The following LTBP1 variants were observed in gnomAD, a reference collection of about 807,000 sequenced individuals.
LTBP1 encodes latent transforming growth factor beta binding protein 1.
Under a neutral mutation model 207.6 loss-of-function variants are expected in LTBP1, and 129 were observed. The ratio of observed to expected loss-of-function variants is 0.62; its 90% CI spans 0.54 to 0.72. LTBP1 has a LOEUF of 0.72. Among genes scored for constraint, LTBP1 ranks in the 30% least tolerant of loss-of-function variants. LTBP1 has a pLI of 0.00. For synonymous variants in LTBP1, 963 were observed against 833.7 expected, an observed-to-expected ratio of 1.16 and a Z score of -2.67; for missense variants, 2,281 against 2,217.2, an observed-to-expected ratio of 1.03 and a Z score of -0.58.
chr2:33,163,083 G>C (rs1238706429), intron 5 of LTBP1, among the ~76,000 whole-genome samples: 2 of 152,220 alleles, frequency 1.3e-5, no homozygotes, highest in East Asian at 3.8e-4. Context: ...CTGGGCTCGA[G>C]CAATCCTCCC....
In LTBP1 at chr2:33,398,694, G is replaced by T; in HGVS notation, c.*149G>T. 1 of 696,452 alleles carries T rather than the reference G, an allele frequency of 1.4e-6. No homozygotes were observed. Among genetic ancestry groups the T allele is most frequent in the South Asian group, 2.4e-5 (1 of 41,738 alleles). 43.1% of individuals were successfully genotyped at this position (696,452 alleles called of 1,614,324 possible). A position where few individuals can be genotyped will look rare whatever the true frequency, so the allele number is the denominator to read the frequency against. On this transcript the variant is annotated 3_prime_UTR_variant, in exon 34 of 34. Coordinates refer to ENST00000404816, the MANE Select transcript of LTBP1 (RefSeq NM_206943.4). Reference sequence around the variant, plus strand: ...TGCAAGTCCTCTGAAGACAATGAGAGGATTTAGGATGAGCCCGATAGGTGT... The same window carrying T: ...TGCAAGTCCTCTGAAGACAATGAGATGATTTAGGATGAGCCCGATAGGTGT...
At chr2:33,159,157 A>G (rs893229512) in intron 5 of LTBP1, among the ~76,000 whole-genome samples, 8 of 152,160 alleles carry the variant, frequency 5.3e-5, no homozygotes, top group African/African-American at 1.4e-4. Flanking sequence ...CTGGGTGGTG[A>G]CAGCTACATT....
intron 11 of LTBP1, among the ~76,000 whole-genome samples, chr2:33,256,164 C>T (rs1451827963): frequency 6.6e-6 from 1 of 151,882 alleles, no homozygotes; most frequent in Non-Finnish European, 1.5e-5. Flanking sequence ...TCCTTGGCCT[C>T]TGGGTAGTTA....
At chr2:33,149,011 G>A (rs886295173) in intron 5 of LTBP1, among the ~76,000 whole-genome samples, 2 of 151,934 alleles carry the variant, frequency 1.3e-5, no homozygotes, top group Non-Finnish European at 2.9e-5. Flanking sequence ...TCAGGAGATC[G>A]AGACCATTCT....
chr2:33,256,647 T>C (rs56195754), intron 11 of LTBP1, among the ~76,000 whole-genome samples: 3,474 of 148,070 alleles, frequency 0.023, 66 homozygotes, highest in Non-Finnish European at 0.037. Flanking sequence ...ATATATAAAA[T>C]ATCTCCTAAT....
Position 33,274,261 on chromosome 2 carries a change from A to G in LTBP1, c.2743+480A>G, listed in dbSNP as rs866227099. On this transcript the variant is annotated intron_variant, in intron 16 of 33. Coordinates refer to ENST00000404816, the MANE Select transcript of LTBP1 (RefSeq NM_206943.4). Reference sequence around the variant, plus strand: ...GGGATCTCATATATGCTCCTTTTGGAAAAAAAAAAAGTATCTCAGAAAGAT... The same window carrying G: ...GGGATCTCATATATGCTCCTTTTGGGAAAAAAAAAAGTATCTCAGAAAGAT... 1.1e-4 allele frequency among the ~76,000 whole-genome samples: 15 copies of G among 140,238 alleles called. No homozygotes were observed. In the Middle Eastern group the frequency reaches 0.011, roughly 103 times the overall value. 92.0% of individuals were successfully genotyped at this position (140,238 alleles called of 152,430 possible). A position where few individuals can be genotyped will look rare whatever the true frequency, so the allele number is the denominator to read the frequency against.
intron 2 of LTBP1, among the ~76,000 whole-genome samples, chr2:33,006,466 C>G (rs1686887285): frequency 6.6e-6 from 1 of 150,564 alleles, no homozygotes; most frequent in Admixed American, 6.6e-5. Flanking sequence ...TCACTGCACC[C>G]TCCGCCTCCC....
At chr2:33,104,186 G>C (rs1166938128) in intron 3 of LTBP1, among the ~76,000 whole-genome samples, 1 of 152,160 alleles carries the variant, frequency 6.6e-6, no homozygotes, top group Non-Finnish European at 1.5e-5. Context: ...CCACTAGGAA[G>C]GCAGCAGTGT....
chr2:32,980,193 C>G (rs566210868), intron 2 of LTBP1, among the ~76,000 whole-genome samples: 1 of 152,158 alleles, frequency 6.6e-6, no homozygotes, highest in South Asian at 2.1e-4. Context: ...AGGACTTACT[C>G]TTACAATTTT....
At chr2:33,108,508 T>TG (rs2080196920) in intron 3 of LTBP1, among the ~76,000 whole-genome samples, 2 of 152,098 alleles carry the variant, frequency 1.3e-5, no homozygotes, top group African/African-American at 4.8e-5. Context: ...CCCGTCCACA[T>TG]GTATGCTTTC....
At chr2:33,115,119 CATATAT>C (rs757334190) in intron 4 of LTBP1, among the ~76,000 whole-genome samples, 1 of 81,162 alleles carries the variant, frequency 1.2e-5, no homozygotes, top group Non-Finnish European at 2.9e-5. Flanking sequence ...CACACACACA[CATATAT>C]ATACACACAC....
intron 5 of LTBP1, among the ~76,000 whole-genome samples, chr2:33,138,955 T>G (rs2082392799): frequency 7.2e-6 from 1 of 138,344 alleles, no homozygotes; most frequent in African/African-American, 2.7e-5. Context: ...GCCTCCCGGG[T>G]TCACGCCATT....
rs1330438622 is a variant in LTBP1, at chr2:33,017,385, C to T, written c.566-3524C>T. 4.6e-5 allele frequency among the ~76,000 whole-genome samples: 7 copies of T among 152,142 alleles called. No individual in the cohort carries two copies. The East Asian group carries it at 5.8e-4, about 13-fold the overall frequency. ...CTCAAACCTGAGTGTGCATCGACGT[C>T]GCTTGGAGGGCAGTCACTGATTGCT... is the stretch of plus-strand genomic sequence containing the variant. On this transcript the variant is annotated intron_variant, in intron 2 of 33. Transcript: ENST00000404816.
chr2:33,043,261 A>G (rs751761054), intron 3 of LTBP1, among the ~76,000 whole-genome samples: 7 of 152,212 alleles, frequency 4.6e-5, no homozygotes, highest in Non-Finnish European at 1.0e-4. Flanking sequence ...ACTCTTGTAT[A>G]TAACAGCTTT....
At chr2:32,995,260 G>A (rs1171584023) in intron 2 of LTBP1, among the ~76,000 whole-genome samples, 1 of 152,096 alleles carries the variant, frequency 6.6e-6, no homozygotes, top group South Asian at 2.1e-4. Context: ...ACAGCCGGTG[G>A]AGATGTTATA....
intron 31 of LTBP1, among the ~76,000 whole-genome samples, chr2:33,382,924 A>G (rs568894005): frequency 1.3e-5 from 2 of 152,366 alleles, no homozygotes; most frequent in East Asian, 3.9e-4. Flanking sequence ...ACACCCAGGC[A>G]GACATCCAGT....
At chr2:33,338,651 T>C (rs7558632) in intron 24 of LTBP1, among the ~76,000 whole-genome samples, 86,312 of 151,902 alleles carry the variant, frequency 0.57, 25,824 homozygotes, top group African/African-American at 0.76. Context: ...AGGAGGTGTC[T>C]CTTGGGCTGA....
intron 22 of LTBP1, among the ~76,000 whole-genome samples, chr2:33,308,100 G>C (rs979050204): frequency 2.0e-5 from 3 of 152,170 alleles, no homozygotes; most frequent in South Asian, 2.1e-4. Flanking sequence ...AGAAGGTTTT[G>C]TTTCTTAGCT....
chr2:33,216,509 C>G (rs2090715561), intron 7 of LTBP1, among the ~76,000 whole-genome samples: 1 of 152,240 alleles, frequency 6.6e-6, no homozygotes, highest in Non-Finnish European at 1.5e-5. Context: ...GTGCCATTTT[C>G]AGACAATGGA....
Sources: allele counts gnomAD v4.1 joint callset (sites outside exome capture counted in the v4.1 genomes callset), GRCh38; gene constraint gnomAD v4.1.1; transcripts MANE v1.5; gene names NCBI Gene and HGNC (gene_info 2026-07-23, HGNC 2026-07-21).